LGSN: variants seen among roughly 807,000 people sequenced by gnomAD.
The protein encoded by LGSN is lengsin, lens protein with glutamine synthetase domain.
LGSN carries 21 observed loss-of-function variants against 19.5 expected under a neutral mutation model. That is an observed-to-expected ratio of 1.07 (90% CI 0.76 to 1.55). The LOEUF is 1.55. Among genes scored for constraint, LGSN ranks in the 40% most tolerant of loss-of-function variants. LGSN has a pLI of 0.00. For missense variants in LGSN, 673 were observed against 608.5 expected, an observed-to-expected ratio of 1.11 and a Z score of -1.12; for synonymous variants, 257 against 215.6, an observed-to-expected ratio of 1.19 and a Z score of -1.68.
At chr6:63,472,524 G>A in the LGSN span, among the ~76,000 whole-genome samples, 1 of 152,108 alleles carries the variant, frequency 6.6e-6, no homozygotes, top group Non-Finnish European at 1.5e-5. Flanking sequence ...GTCAATCTCT[G>A]GAATAGCTGG....
At chr6:63,463,590 C>T in the LGSN span, among the ~76,000 whole-genome samples, 1 of 151,946 alleles carries the variant, frequency 6.6e-6, no homozygotes, top group Admixed American at 6.6e-5. Context: ...AGGCCTTGTA[C>T]GTTATGTGTG....
the LGSN span, among the ~76,000 whole-genome samples, chr6:63,457,654 G>C: frequency 5.9e-5 from 9 of 152,336 alleles, no homozygotes; most frequent in Admixed American, 2.0e-4. Context: ...GAGGCAGGCA[G>C]ATTACTTGAA....
the LGSN span, among the ~76,000 whole-genome samples, chr6:63,424,467 G>A: frequency 6.7e-6 from 1 of 148,970 alleles, no homozygotes; most frequent in Non-Finnish European, 1.5e-5. Flanking sequence ...ACCCTTCCCA[G>A]TTTATTTTAT....
chr6:63,505,606 A>AAAGG, the LGSN span, among the ~76,000 whole-genome samples: 2 of 134,312 alleles, frequency 1.5e-5, no homozygotes, highest in Admixed American at 1.7e-4. Context: ...AGAAAGAAAG[A>AAAGG]AAGAAAGAAA....
chr6:63,406,775 T>C, the LGSN span, among the ~76,000 whole-genome samples: 14 of 151,576 alleles, frequency 9.2e-5, no homozygotes, highest in African/African-American at 3.2e-4. Context: ...ATTGATAGAC[T>C]GCTAGCAAGA....
At chr6:63,520,796 T>C in the LGSN span, among the ~76,000 whole-genome samples, 1 of 152,174 alleles carries the variant, frequency 6.6e-6, no homozygotes, top group Non-Finnish European at 1.5e-5. Context: ...TTTTTAATTT[T>C]TTGCCTTGTA....
At chr6:63,476,548 C>T in the LGSN span, among the ~76,000 whole-genome samples, 2 of 152,180 alleles carry the variant, frequency 1.3e-5, no homozygotes, top group Non-Finnish European at 2.9e-5. Flanking sequence ...ACAAGGCAGT[C>T]GGTGCTGGCT....
the LGSN span, among the ~76,000 whole-genome samples, chr6:63,473,065 C>T: frequency 6.6e-6 from 1 of 152,018 alleles, no homozygotes; most frequent in Non-Finnish European, 1.5e-5. Flanking sequence ...TAAGATCTCC[C>T]AGTTCAGCCT....
chr6:63,311,326 T>G (rs1305197537), intron 1 of LGSN, among the ~76,000 whole-genome samples: 1 of 152,198 alleles, frequency 6.6e-6, no homozygotes, highest in Non-Finnish European at 1.5e-5. Context: ...CTTAACTAAC[T>G]GAGATGTCTA....
At chr6:63,540,784 A>G in the LGSN span, among the ~76,000 whole-genome samples, 1 of 151,758 alleles carries the variant, frequency 6.6e-6, no homozygotes, top group African/African-American at 2.4e-5. Context: ...AGAAATAGCA[A>G]ATAGGACCCC....
chr6:63,420,551 T>A, the LGSN span, among the ~76,000 whole-genome samples: 1 of 152,234 alleles, frequency 6.6e-6, no homozygotes, highest in Non-Finnish European at 1.5e-5. Context: ...CTAATACTCC[T>A]TCCAGTTTGG....
the LGSN span, among the ~76,000 whole-genome samples, chr6:63,454,714 T>C: frequency 6.6e-6 from 1 of 151,558 alleles, no homozygotes; most frequent in African/African-American, 2.4e-5. Context: ...TCGTGATCCA[T>C]CTGCCTCAGC....
the LGSN span, among the ~76,000 whole-genome samples, chr6:63,516,896 G>C: frequency 1.3e-5 from 2 of 152,162 alleles, no homozygotes; most frequent in South Asian, 4.1e-4. Flanking sequence ...ATGTGCCAGA[G>C]GTATTAGACA....
chr6:63,381,441 G>T, the LGSN span, among the ~76,000 whole-genome samples: 1 of 152,162 alleles, frequency 6.6e-6, no homozygotes, highest in Non-Finnish European at 1.5e-5. Context: ...AAAGAAAAGA[G>T]TAGTACTAAG....
At chr6:63,399,395 T>A in the LGSN span, among the ~76,000 whole-genome samples, 2 of 94,566 alleles carry the variant, frequency 2.1e-5, no homozygotes, top group East Asian at 5.2e-4. Flanking sequence ...ACAGTACTAA[T>A]TTTTTTTTTT....
the LGSN span, among the ~76,000 whole-genome samples, chr6:63,558,798 G>A: frequency 6.6e-6 from 1 of 152,202 alleles, no homozygotes; most frequent in African/African-American, 2.4e-5. Flanking sequence ...CTATAGGGCA[G>A]GGAGGCAGAG....
chr6:63,556,641 A>G, the LGSN span, among the ~76,000 whole-genome samples: 1 of 152,234 alleles, frequency 6.6e-6, no homozygotes. Context: ...GGCTTTGCCA[A>G]AAAGATCAGC....
chr6:63,356,662 G>A, the LGSN span, among the ~76,000 whole-genome samples: 3 of 152,130 alleles, frequency 2.0e-5, no homozygotes, highest in African/African-American at 7.2e-5. Context: ...GATAGAGAAG[G>A]TAAGATGTGA....
At chr6:63,355,875 C>T in the LGSN span, among the ~76,000 whole-genome samples, 1 of 152,166 alleles carries the variant, frequency 6.6e-6, no homozygotes, top group African/African-American at 2.4e-5. Context: ...GACGGGGTTT[C>T]ACCATGTTAC....
Sources: gnomAD v4.1 joint callset for allele counts (sites outside exome capture counted in the v4.1 genomes callset) on GRCh38, gnomAD v4.1.1 for gene constraint, MANE v1.5 for transcripts, NCBI Gene and HGNC (gene_info 2026-07-23, HGNC 2026-07-21) for gene names.